Variants in RBFOX1 observed in about 807,000 individuals in gnomAD.
RBFOX1 encodes the protein RNA binding protein fox-1 homolog 1.
In RBFOX1, 8 loss-of-function variants were observed where a neutral mutation model predicts 57.7. That is an observed-to-expected ratio of 0.14 (90% CI 0.08 to 0.25). The LOEUF is 0.25. Among genes scored for constraint, RBFOX1 ranks in the 10% least tolerant of loss-of-function variants. RBFOX1 has a pLI of 1.00. For missense variants in RBFOX1, 611 were observed against 548.5 expected, an observed-to-expected ratio of 1.11 and a Z score of -1.14; for synonymous variants, 326 against 222.4, an observed-to-expected ratio of 1.47 and a Z score of -4.15.
rs1168104740 is a variant in RBFOX1, at chr16:5,946,956, A to G, written c.351+79621A>G. On this transcript the variant is annotated intron_variant, in intron 4 of 19. Coordinates refer to the RBFOX1 transcript ENST00000641259. The surrounding 1 kb of genome is among the most constrained non-coding windows in gnomAD (Gnocchi z 4.6). ...GGCCAGAGCAGTGGCTCACAGCCGT[A>G]ATCCTAGCACTTAGGGAGGCAGAAG... Among the ~76,000 whole-genome samples, 3 of 152,178 alleles carry G rather than the reference A, an allele frequency of 2.0e-5. No individual in the cohort carries two copies. The highest frequency in any genetic ancestry group is 7.2e-5 in the African/African-American group (3 of 41,440).
At chr16:7,471,778 C>A (rs1431520925) in intron 4 of RBFOX1, among the ~76,000 whole-genome samples, 2 of 152,178 alleles carry the variant, frequency 1.3e-5, no homozygotes, top group African/African-American at 4.8e-5. Context: ...CAGTCTCTTT[C>A]CCTTAAGAGT....
chr16:5,535,173 C>G (rs2044646569), intron 2 of RBFOX1, among the ~76,000 whole-genome samples: 1 of 152,172 alleles, frequency 6.6e-6, no homozygotes, highest in Non-Finnish European at 1.5e-5. Context: ...AACTGAACAT[C>G]TAGTTCTTTA....
intron 1 of RBFOX1, among the ~76,000 whole-genome samples, chr16:5,370,468 T>A (rs1051119506): frequency 6.6e-6 from 1 of 151,382 alleles, no homozygotes; most frequent in African/African-American, 2.4e-5. Flanking sequence ...TCCTCTTTTT[T>A]TTTTTTTTGG....
At chr16:5,649,847 G>T (rs2049174409) in intron 3 of RBFOX1, among the ~76,000 whole-genome samples, 2 of 152,204 alleles carry the variant, frequency 1.3e-5, no homozygotes, top group African/African-American at 2.4e-5. Context: ...CTGGTGGATT[G>T]CCCTTGAGCT....
At chr16:5,610,836 C>G (rs561642701) in intron 3 of RBFOX1, among the ~76,000 whole-genome samples, 2 of 152,160 alleles carry the variant, frequency 1.3e-5, no homozygotes, top group African/African-American at 4.8e-5. Context: ...GCACTGCACT[C>G]CAGCCTGGGT....
intron 2 of RBFOX1, among the ~76,000 whole-genome samples, chr16:5,502,322 G>C (rs978459300): frequency 5.9e-5 from 9 of 152,140 alleles, no homozygotes; most frequent in Non-Finnish European, 8.8e-5. Context: ...CTTCTGTGCT[G>C]GTGTGTCCCA....
intron 4 of RBFOX1, among the ~76,000 whole-genome samples, chr16:7,405,493 G>A (rs1001532973): frequency 9.2e-5 from 14 of 152,222 alleles, no homozygotes; most frequent in Non-Finnish European, 1.8e-4. Context: ...TCTGAAGGCA[G>A]CAATTAAATG....
intron 2 of RBFOX1, among the ~76,000 whole-genome samples, chr16:5,543,424 A>G (rs1231292803): frequency 1.3e-5 from 2 of 152,200 alleles, no homozygotes; most frequent in Non-Finnish European, 2.9e-5. Context: ...CGGATTAGAC[A>G]TTGCCCATAC....
At chr16:5,484,982 C>T (rs1000084434) in intron 2 of RBFOX1, among the ~76,000 whole-genome samples, 1 of 151,866 alleles carries the variant, frequency 6.6e-6, no homozygotes, top group Non-Finnish European at 1.5e-5. Flanking sequence ...TTGCTTGAGT[C>T]TAGGAGTTTG....
chr16:6,368,462 G>A (rs1017698930), intron 2 of RBFOX1, among the ~76,000 whole-genome samples: 1 of 152,208 alleles, frequency 6.6e-6, no homozygotes, highest in Non-Finnish European at 1.5e-5. Flanking sequence ...GGATCGTGCT[G>A]GTTCCTAATG....
In RBFOX1 at chr16:6,239,485, CTTTTTTTTTTT is replaced by C. The variant is rs59244306; in HGVS notation, c.-126-77491_-126-77481del. On this transcript the variant is annotated intron_variant, in intron 1 of 15. Transcript: ENST00000550418. ...ATAACTTATTCTTCTCCAACTGACT[CTTTTTTTTTTT>C]TTTTTTTTTTTTTTTTTTCTGAGAT... Among the ~76,000 whole-genome samples, 338 of 67,822 alleles carry C rather than the reference CTTTTTTTTTTT, an allele frequency of 5.0e-3. 2 individuals carry two copies. The highest frequency in any genetic ancestry group is 0.01 in the African/African-American group (184 of 17,730). 44.5% of individuals were successfully genotyped at this position (67,822 alleles called of 152,430 possible).
intron 3 of RBFOX1, among the ~76,000 whole-genome samples, chr16:5,854,565 C>G (rs1320100360): frequency 1.5e-5 from 2 of 134,544 alleles, no homozygotes; most frequent in Non-Finnish European, 1.5e-5. Flanking sequence ...TTACCCCCCC[C>G]ACACACAAGC....
chr16:6,194,701 A>G (rs1009347085), intron 1 of RBFOX1, among the ~76,000 whole-genome samples: 5 of 152,136 alleles, frequency 3.3e-5, no homozygotes, highest in South Asian at 2.1e-4. Context: ...AGGGTTTCTT[A>G]CATTCATGGG....
chr16:6,651,275 G>A (rs551522394), intron 2 of RBFOX1, among the ~76,000 whole-genome samples: 1 of 152,302 alleles, frequency 6.6e-6, no homozygotes, highest in Non-Finnish European at 1.5e-5. Context: ...TGGAGAGCAT[G>A]GCCAGGCTAC....
intron 1 of RBFOX1, among the ~76,000 whole-genome samples, chr16:6,233,449 T>G (rs1211068132): frequency 6.6e-6 from 1 of 152,030 alleles, no homozygotes; most frequent in Non-Finnish European, 1.5e-5. Flanking sequence ...CCAAACAGCC[T>G]GATTATATTA....
At chr16:7,145,606 C>A (rs535922658) in intron 4 of RBFOX1, among the ~76,000 whole-genome samples, 86 of 152,138 alleles carry the variant, frequency 5.7e-4, no homozygotes, top group African/African-American at 2.0e-3. Context: ...TTACCCCTCT[C>A]GGTTATGTTA....
At chr16:6,608,769 C>G (rs528150741) in intron 2 of RBFOX1, among the ~76,000 whole-genome samples, 6 of 152,326 alleles carry the variant, frequency 3.9e-5, no homozygotes, top group Admixed American at 3.3e-4. Context: ...AAGAGCTTGT[C>G]TCAAAAACAA....
chr16:7,129,514 C>A (rs76835020), intron 4 of RBFOX1, among the ~76,000 whole-genome samples: 1 of 151,976 alleles, frequency 6.6e-6, no homozygotes, highest in Non-Finnish European at 1.5e-5. Context: ...AAGGATAAGA[C>A]CTTGCCATGA....
chr16:7,489,702 G>C (rs770896918), intron 4 of RBFOX1, among the ~76,000 whole-genome samples: 1 of 151,414 alleles, frequency 6.6e-6, no homozygotes, highest in African/African-American at 2.4e-5. Context: ...ATTTTTTGTA[G>C]AGACCGTTTT....
Sources: allele counts gnomAD v4.1 joint callset (sites outside exome capture counted in the v4.1 genomes callset), GRCh38; gene constraint gnomAD v4.1.1; non-coding constraint Gnocchi (gnomAD v3.1); transcripts MANE v1.5; gene names NCBI Gene and HGNC (gene_info 2026-07-23, HGNC 2026-07-21).